DGKI: variants seen among roughly 807,000 people sequenced by gnomAD.
DGKI encodes the protein DAG kinase iota.
DGKI carries 55 observed loss-of-function variants against 147.5 expected under a neutral mutation model. That is an observed-to-expected ratio of 0.37 (90% CI 0.30 to 0.47). The LOEUF (loss-of-function observed/expected upper bound fraction) is 0.47. Ranked by LOEUF, DGKI falls within the 20% of genes least tolerant of loss-of-function variation. The pLI is 1.00. For missense variants in DGKI, 1,007 were observed against 1,323.8 expected (o/e 0.76, Z 3.71); for synonymous variants, 469 against 477.1 (o/e 0.98, Z 0.22).
intron 5 of DGKI, among the ~76,000 whole-genome samples, chr7:137,653,789 C>A (rs547074094): frequency 1.3e-5 from 2 of 152,166 alleles, no homozygotes; most frequent in Non-Finnish European, 2.9e-5. Context: ...AGAAAGTATG[C>A]TTATCAGAAA....
In DGKI at chr7:137,381,878, T is replaced by C. The variant is rs1352839355; in HGVS notation, c.*9342A>G. 1 of 152,132 alleles carries C rather than the reference T, an allele frequency of 6.6e-6. No homozygotes were observed. Among genetic ancestry groups the C allele is most frequent in the Non-Finnish European group, 1.5e-5 (1 of 68,000 alleles). The allele number at this position is 152,132 out of a possible 1,614,324, so 9.4% of individuals were successfully genotyped here. A position where few individuals can be genotyped will look rare whatever the true frequency, so the allele number is the denominator to read the frequency against. On this transcript the variant is annotated 3_prime_UTR_variant, in exon 33 of 33. Coordinates refer to ENST00000614521, the MANE Select transcript of DGKI (RefSeq NM_001321708.2). ...CCCAGGATGGCAAGAATCCAAACTTTCCCAACTTATAATCGGTAAGTCAGG... is the reference window on the plus strand; with the variant it reads ...CCCAGGATGGCAAGAATCCAAACTTCCCCAACTTATAATCGGTAAGTCAGG...
intron 1 of DGKI, among the ~76,000 whole-genome samples, chr7:137,825,703 TACACTC>T (rs1161786545): frequency 1.3e-5 from 2 of 150,516 alleles, no homozygotes; most frequent in Admixed American, 1.3e-4. Flanking sequence ...CACATACACA[TACACTC>T]ACACACATAC....
chr7:137,623,815 A>T (rs1352289841), intron 6 of DGKI, among the ~76,000 whole-genome samples: 1 of 152,198 alleles, frequency 6.6e-6, no homozygotes, highest in Non-Finnish European at 1.5e-5. Flanking sequence ...ACTCAAAGTC[A>T]GCCACACAAA....
At chr7:137,719,633 A>C (rs1794486140) in intron 1 of DGKI, among the ~76,000 whole-genome samples, 1 of 152,306 alleles carries the variant, frequency 6.6e-6, no homozygotes, top group African/African-American at 2.4e-5. Context: ...GTGCTTGCAA[A>C]TCACAAAGAT....
At chr7:137,529,578 AG>A (rs1385500453) in intron 20 of DGKI, among the ~76,000 whole-genome samples, 1 of 152,228 alleles carries the variant, frequency 6.6e-6, no homozygotes, top group Non-Finnish European at 1.5e-5. Context: ...ATTGCAGAGC[AG>A]GTTAACAAGT....
At chr7:137,653,410 C>T (rs1385418377) in intron 5 of DGKI, among the ~76,000 whole-genome samples, 1 of 152,196 alleles carries the variant, frequency 6.6e-6, no homozygotes, top group East Asian at 1.9e-4. Flanking sequence ...TAGTTTAATG[C>T]TCACCTCCCA....
At chr7:137,498,556 T>C (rs1816054004) in intron 21 of DGKI, among the ~76,000 whole-genome samples, 1 of 152,072 alleles carries the variant, frequency 6.6e-6, no homozygotes, top group African/African-American at 2.4e-5. Flanking sequence ...AACCAGATTA[T>C]ATACAAAGGA....
intron 1 of DGKI, among the ~76,000 whole-genome samples, chr7:137,811,384 T>TCACACA (rs55647700): frequency 2.8e-4 from 37 of 132,206 alleles, no homozygotes; most frequent in South Asian, 1.0e-3. Context: ...TCTCTCTCTC[T>TCACACA]CACACACACA....
chr7:137,660,846 C>T (rs3800620), intron 3 of DGKI, among the ~76,000 whole-genome samples: 13,829 of 147,184 alleles, frequency 0.094, 1,721 homozygotes, highest in African/African-American at 0.29. Flanking sequence ...GGGGAAAAGA[C>T]GGGAAAGGGT....
intron 32 of DGKI, among the ~76,000 whole-genome samples, chr7:137,393,919 G>C (rs1248923271): frequency 6.6e-6 from 1 of 152,170 alleles, no homozygotes; most frequent in South Asian, 2.1e-4. Flanking sequence ...GAAAAAAATT[G>C]CACATAGGCA....
chr7:137,593,659 T>C (rs981580132), intron 12 of DGKI, among the ~76,000 whole-genome samples: 2 of 152,218 alleles, frequency 1.3e-5, no homozygotes, highest in African/African-American at 4.8e-5. Context: ...GTATAAAATA[T>C]ATGCTAGATT....
intron 1 of DGKI, among the ~76,000 whole-genome samples, chr7:137,720,076 T>G (rs1794499340): frequency 6.6e-6 from 1 of 152,140 alleles, no homozygotes; most frequent in Non-Finnish European, 1.5e-5. Context: ...GCATTCATTT[T>G]GCAGACGATT....
At chr7:137,576,730 T>C (rs761529633) in intron 17 of DGKI, among the ~76,000 whole-genome samples, 1 of 152,128 alleles carries the variant, frequency 6.6e-6, no homozygotes, top group African/African-American at 2.4e-5. Flanking sequence ...CACCACAAAA[T>C]AATGAAATCA....
intron 19 of DGKI, 67 bp from the exon 20 acceptor site, chr7:137,552,635 G>A (rs561429450): frequency 5.1e-5 from 78 of 1,537,022 alleles, no homozygotes; most frequent in African/African-American, 2.4e-4. Flanking sequence ...GAGGCCAGGC[G>A]CTGTGGCTCA....
chr7:137,776,497 CGT>C (rs965511890), intron 1 of DGKI, among the ~76,000 whole-genome samples: 2 of 152,108 alleles, frequency 1.3e-5, no homozygotes, highest in African/African-American at 4.8e-5. Flanking sequence ...TCTTACTTTA[CGT>C]GTGTGTGTTT....
chr7:137,383,250 C>A lies in DGKI; in HGVS notation c.*7970G>T, dbSNP rs1235341227. On this transcript the variant is annotated 3_prime_UTR_variant, in exon 33 of 33. Transcript: ENST00000614521. ...AAATTGCTAGCCAATTTCCAAATCT[C>A]CTAAATTGGCTAACAATTGGCAAAA... 2 of 150,830 alleles carry A rather than the reference C, an allele frequency of 1.3e-5. No homozygotes were observed. Among genetic ancestry groups the A allele is most frequent in the Non-Finnish European group, 3.0e-5 (2 of 67,654 alleles). The allele number at this position is 150,830 out of a possible 1,614,324, so 9.3% of individuals were successfully genotyped here. A position where few individuals can be genotyped will look rare whatever the true frequency, so the allele number is the denominator to read the frequency against.
intron 1 of DGKI, among the ~76,000 whole-genome samples, chr7:137,707,941 T>C (rs2113428): frequency 0.5 from 76,388 of 152,040 alleles, 21,258 homozygotes; most frequent in African/African-American, 0.75. Flanking sequence ...TTTTGTTTTT[T>C]GCCTCCAAAT....
At chr7:137,635,028 G>A (rs1232095241) in intron 6 of DGKI, among the ~76,000 whole-genome samples, 1 of 152,188 alleles carries the variant, frequency 6.6e-6, no homozygotes, top group Non-Finnish European at 1.5e-5. Flanking sequence ...GAGGTATAAG[G>A]AAGGACATAT....
chr7:137,771,917 C>T (rs1796210186), intron 1 of DGKI: 1 of 152,222 alleles, frequency 6.6e-6, no homozygotes, highest in African/African-American at 2.4e-5. Context: ...CAGTGGAAAT[C>T]ACTGGGTGTA....
Sources: allele counts gnomAD v4.1 joint callset (sites outside exome capture counted in the v4.1 genomes callset), GRCh38; gene constraint gnomAD v4.1.1; transcripts MANE v1.5; gene names NCBI Gene and HGNC (gene_info 2026-07-23, HGNC 2026-07-21).